The following VSTM4 variants were observed in gnomAD, a reference collection of about 807,000 sequenced individuals.
The protein encoded by VSTM4 is V-set and transmembrane domain containing 4.
In VSTM4, 20 loss-of-function variants were observed where a neutral mutation model predicts 36.4. That is an observed-to-expected ratio of 0.55 (90% CI 0.39 to 0.80). The LOEUF (loss-of-function observed/expected upper bound fraction) is 0.80. Among genes scored for constraint, VSTM4 ranks in the 30% least tolerant of loss-of-function variants. The probability of loss-of-function intolerance (pLI) is 0.00; values close to 1 mark genes in which losing one functional copy is unlikely to be tolerated. For synonymous variants in VSTM4, 182 were observed against 173.9 expected, an observed-to-expected ratio of 1.05 and a Z score of -0.37; for missense variants, 392 against 404.5, an observed-to-expected ratio of 0.97 and a Z score of 0.26.
intron 5 of VSTM4, among the ~76,000 whole-genome samples, chr10:49,059,304 G>T (rs1843835048): frequency 6.6e-6 from 1 of 152,178 alleles, no homozygotes; most frequent in Non-Finnish European, 1.5e-5. Flanking sequence ...AGGGAGAACT[G>T]CCACTCAGAC....
intron 2 of VSTM4, chr10:49,102,843 C>T: frequency 1.4e-6 from 1 of 713,166 alleles, no homozygotes; most frequent in Non-Finnish European, 1.7e-6. Context: ...TTATCATCAT[C>T]ATCCTCAAAA....
intron 7 of VSTM4, among the ~76,000 whole-genome samples, chr10:49,032,047 A>C (rs1843353933): frequency 6.7e-6 from 1 of 148,250 alleles, no homozygotes; most frequent in Admixed American, 6.7e-5. Context: ...ACAGCCCCCC[A>C]CCCCCAGCTC....
chr10:49,115,286 A>C, intron 1 of VSTM4, 145 bp downstream of exon 1: 1 of 450,298 alleles, frequency 2.2e-6, no homozygotes, highest in Non-Finnish European at 2.9e-6. Flanking sequence ...AGCCCACCGG[A>C]GCGCGCTGGC....
At chr10:49,105,213 C>CAGAGAGAGAGAGAGAGAGAGAGAG (rs376193769) in intron 2 of VSTM4, among the ~76,000 whole-genome samples, 1 of 117,436 alleles carries the variant, frequency 8.5e-6, no homozygotes, top group Non-Finnish European at 1.7e-5. Flanking sequence ...GACAGAGAGA[C>CAGAGAGAGAGAGAGAGAGAGAGAG]AGAGAGAGAG....
chr10:49,057,931 T>G (rs1468487104), intron 5 of VSTM4, among the ~76,000 whole-genome samples: 3 of 152,188 alleles, frequency 2.0e-5, no homozygotes, highest in African/African-American at 7.2e-5. Context: ...ATGACCTGAC[T>G]CTGACATGTG....
At chr10:49,030,308 G>A (rs1247918611) in intron 7 of VSTM4, among the ~76,000 whole-genome samples, 5 of 152,178 alleles carry the variant, frequency 3.3e-5, no homozygotes, top group Admixed American at 3.3e-4. Context: ...GAATCCAGTT[G>A]CACTCCCAAA....
rs1273032450 is a variant in VSTM4 at position 49,077,374 on chromosome 10, C to CAGG, written c.527-49_527-48insCCT. ...TGAGTCAGCCTTCTGGGGGCCGCAG[C>CAGG]AGAAGTGCGCTGGCAAGAGAACAAT... On this transcript the variant is annotated intron_variant, in intron 3 of 7. Coordinates refer to ENST00000332853, the MANE Select transcript of VSTM4 (RefSeq NM_001031746.5). 7 of 1,541,034 alleles carry CAGG rather than the reference C, an allele frequency of 4.5e-6. No individual in the cohort carries two copies. In the East Asian group the frequency reaches 6.8e-5, roughly 15 times the overall value.
intron 4 of VSTM4, among the ~76,000 whole-genome samples, chr10:49,065,266 C>T (rs962894864): frequency 2.0e-5 from 3 of 152,158 alleles, no homozygotes; most frequent in African/African-American, 7.2e-5. Context: ...TACCTAGGCA[C>T]ATAATCCAGC....
chr10:49,082,537 T>C (rs1038128158), intron 3 of VSTM4, among the ~76,000 whole-genome samples: 2 of 152,098 alleles, frequency 1.3e-5, no homozygotes, highest in African/African-American at 4.8e-5. Context: ...TAGCCAGGTG[T>C]GGTGGCACAT....
intron 2 of VSTM4, among the ~76,000 whole-genome samples, chr10:49,104,479 C>G (rs1045326817): frequency 6.6e-6 from 1 of 152,214 alleles, no homozygotes; most frequent in African/African-American, 2.4e-5. Context: ...CAGCCTGGGG[C>G]GGACAAGCTC....
chr10:49,091,465 T>C (rs1844472966), intron 2 of VSTM4, among the ~76,000 whole-genome samples: 1 of 152,156 alleles, frequency 6.6e-6, no homozygotes, highest in African/African-American at 2.4e-5. Context: ...CAACTGCATG[T>C]CTAGAGGAAG....
intron 5 of VSTM4, among the ~76,000 whole-genome samples, chr10:49,053,380 C>T (rs112853851): frequency 0.014 from 2,068 of 152,300 alleles, 44 homozygotes; most frequent in African/African-American, 0.042. Context: ...TGACACACAG[C>T]GGCTGGATTG....
chr10:49,088,005 T>C (rs1277296102), intron 2 of VSTM4, among the ~76,000 whole-genome samples: 1 of 148,022 alleles, frequency 6.8e-6, no homozygotes, highest in African/African-American at 2.5e-5. Context: ...TATACACATG[T>C]AATATATGTA....
chr10:49,112,187 CA>C (rs1050690117), intron 1 of VSTM4, among the ~76,000 whole-genome samples: 2 of 152,170 alleles, frequency 1.3e-5, no homozygotes, highest in African/African-American at 4.8e-5. Flanking sequence ...AGGAATATAA[CA>C]AAACTGATAG....
chr10:49,103,235 C>T (rs1354116603), intron 2 of VSTM4: 1 of 152,660 alleles, frequency 6.6e-6, no homozygotes, highest in East Asian at 1.9e-4. Flanking sequence ...GGTCCACCTG[C>T]ATGATGGAAC....
intron 7 of VSTM4, among the ~76,000 whole-genome samples, chr10:49,040,545 C>G (rs1483608566): frequency 1.3e-5 from 2 of 152,078 alleles, no homozygotes; most frequent in Admixed American, 6.5e-5. Context: ...CTCGGCCTCC[C>G]AAATTGCTGG....
chr10:49,092,820 C>T (rs1268247539), intron 2 of VSTM4, among the ~76,000 whole-genome samples: 1 of 152,154 alleles, frequency 6.6e-6, no homozygotes, highest in Non-Finnish European at 1.5e-5. Flanking sequence ...ACGCAAGCGG[C>T]TTGGTAGTCC....
intron 5 of VSTM4, among the ~76,000 whole-genome samples, chr10:49,061,488 G>A (rs1432182022): frequency 6.6e-6 from 1 of 152,128 alleles, no homozygotes; most frequent in Middle Eastern, 3.2e-3. Context: ...GGAATTGAAG[G>A]ATCTAACCAA....
chr10:49,082,966 C>T (rs1318767056), intron 3 of VSTM4, among the ~76,000 whole-genome samples: 4 of 152,318 alleles, frequency 2.6e-5, no homozygotes, highest in African/African-American at 9.6e-5. Context: ...TCCCAAACAG[C>T]CCCACCAAGC....
Sources: allele counts gnomAD v4.1 joint callset (sites outside exome capture counted in the v4.1 genomes callset), GRCh38; gene constraint gnomAD v4.1.1; transcripts MANE v1.5; gene names NCBI Gene and HGNC (gene_info 2026-07-23, HGNC 2026-07-21).